The following PLCB1 variants were observed in gnomAD, a reference collection of about 807,000 sequenced individuals.
PLCB1 encodes phospholipase C beta 1.
PLCB1 carries 46 observed loss-of-function variants against 161.8 expected under a neutral mutation model. That is an observed-to-expected ratio of 0.28 (90% CI 0.22 to 0.36). The LOEUF (loss-of-function observed/expected upper bound fraction) is 0.36, where lower values mean the gene tolerates loss of function less well. Among genes scored for constraint, PLCB1 ranks in the 10% least tolerant of loss-of-function variants. The probability of loss-of-function intolerance (pLI) is 1.00; values close to 1 mark genes in which losing one functional copy is unlikely to be tolerated. For synonymous variants in PLCB1, 517 were observed against 503.7 expected (o/e 1.03, Z -0.35); for missense variants, 1,016 against 1,472.5 (o/e 0.69, Z 5.07).
At chr20:8,656,118 T>C (rs561088755) in intron 7 of PLCB1, among the ~76,000 whole-genome samples, 1 of 152,220 alleles carries the variant, frequency 6.6e-6, no homozygotes, top group South Asian at 2.1e-4. Context: ...GTTATAATGA[T>C]ACAACACATC....
intron 3 of PLCB1, among the ~76,000 whole-genome samples, chr20:8,382,769 G>A (rs1453386168): frequency 2.6e-5 from 4 of 152,010 alleles, no homozygotes; most frequent in Admixed American, 2.0e-4. Context: ...GGATGGTCTC[G>A]ATCTCCTGAC....
At chr20:8,173,407 A>G (rs564012741) in intron 2 of PLCB1, among the ~76,000 whole-genome samples, 3 of 152,186 alleles carry the variant, frequency 2.0e-5, no homozygotes, top group Non-Finnish European at 2.9e-5. Context: ...CTCTCATATC[A>G]TCTAAACCAA....
intron 3 of PLCB1, among the ~76,000 whole-genome samples, chr20:8,403,619 GTGTAGTGACACGTACC>G (rs1978659176): frequency 6.6e-6 from 1 of 152,044 alleles, no homozygotes; most frequent in Admixed American, 6.5e-5. Context: ...TGTGAGCAGG[GTGTAGTGACACGTACC>G]TGTAGTCCCA....
chr20:8,154,374 G>A (rs2051538983), intron 2 of PLCB1, among the ~76,000 whole-genome samples: 1 of 152,038 alleles, frequency 6.6e-6, no homozygotes, highest in Non-Finnish European at 1.5e-5. Flanking sequence ...GTGGATTCTT[G>A]GTGTTTGTCT....
chr20:8,420,743 C>T (rs2122544516), intron 3 of PLCB1, among the ~76,000 whole-genome samples: 1 of 152,328 alleles, frequency 6.6e-6, no homozygotes, highest in East Asian at 1.9e-4. Context: ...TTGAAAGCTT[C>T]AGCCCTGCAC....
At chr20:8,333,211 T>C (rs1985436675) in intron 2 of PLCB1, among the ~76,000 whole-genome samples, 1 of 152,170 alleles carries the variant, frequency 6.6e-6, no homozygotes, top group South Asian at 2.1e-4. Flanking sequence ...CCTGAGTTCC[T>C]CAATAATCAC....
At chr20:8,215,685 G>A (rs191565885) in intron 2 of PLCB1, among the ~76,000 whole-genome samples, 3 of 151,988 alleles carry the variant, frequency 2.0e-5, no homozygotes, top group East Asian at 1.9e-4. Context: ...CAGGTGCTCC[G>A]TGACCATCAG....
At position 8,788,436 on chromosome 20, in the gene PLCB1, TTTC is replaced by T. The variant is rs1163689360; in HGVS notation, c.3112-10_3112-8del. On this transcript the variant is annotated splice_polypyrimidine_tract_variant and intron_variant, in intron 27 of 31. Coordinates refer to ENST00000338037, the MANE Select transcript of PLCB1 (RefSeq NM_015192.4). ...ATCATTTGAAATAGCAAACTGACAT[TTTC>T]TTTTTCCAGCTTATTCAAAAGTTGA... 10 of 1,611,400 alleles carry T rather than the reference TTTC, an allele frequency of 6.2e-6. No individual in the cohort carries two copies.
At chr20:8,544,730 A>AT (rs1985468677) in intron 3 of PLCB1, among the ~76,000 whole-genome samples, 1 of 152,164 alleles carries the variant, frequency 6.6e-6, no homozygotes, top group Non-Finnish European at 1.5e-5. Flanking sequence ...AGTTTTCCTG[A>AT]TGTGCATGTG....
chr20:8,185,816 T>G (rs2051897712), intron 2 of PLCB1, among the ~76,000 whole-genome samples: 1 of 152,192 alleles, frequency 6.6e-6, no homozygotes, highest in South Asian at 2.1e-4. Context: ...TCATGACTTC[T>G]TTAATTTGAT....
intron 11 of PLCB1, among the ~76,000 whole-genome samples, chr20:8,703,067 G>A (rs897373296): frequency 5.3e-5 from 8 of 152,180 alleles, no homozygotes; most frequent in African/African-American, 1.7e-4. Context: ...CAGAAGGTAA[G>A]GATGCTACTC....
chr20:8,756,214 A>G (rs1433145781), intron 23 of PLCB1, among the ~76,000 whole-genome samples: 2 of 152,206 alleles, frequency 1.3e-5, no homozygotes, highest in Non-Finnish European at 2.9e-5. Context: ...CTTTATAAGT[A>G]TTAACTTATT....
At chr20:8,546,660 A>G (rs1985562078) in intron 3 of PLCB1, among the ~76,000 whole-genome samples, 1 of 152,154 alleles carries the variant, frequency 6.6e-6, no homozygotes, top group Admixed American at 6.5e-5. Flanking sequence ...CACAGAGCTG[A>G]TAAACCTCAG....
intron 31 of PLCB1, among the ~76,000 whole-genome samples, chr20:8,808,694 T>TA (rs1187244335): frequency 1.3e-5 from 2 of 152,316 alleles, no homozygotes; most frequent in African/African-American, 2.4e-5. Flanking sequence ...GTAACAGGTA[T>TA]AAAAAATACC....
intron 2 of PLCB1, among the ~76,000 whole-genome samples, chr20:8,231,037 A>G (rs145549311): frequency 1.3e-5 from 2 of 152,022 alleles, no homozygotes; most frequent in Non-Finnish European, 2.9e-5. Context: ...ACCTCTCCAT[A>G]ATCTTCAACT....
At chr20:8,322,893 G>GCTGTAC (rs1229018446) in intron 2 of PLCB1, among the ~76,000 whole-genome samples, 1 of 152,118 alleles carries the variant, frequency 6.6e-6, no homozygotes, top group Admixed American at 6.6e-5. Context: ...ATTGTTTGAG[G>GCTGTAC]CTGTACCGCA....
intron 2 of PLCB1, among the ~76,000 whole-genome samples, chr20:8,233,369 T>C (rs545291527): frequency 2.0e-5 from 3 of 152,226 alleles, no homozygotes; most frequent in East Asian, 3.9e-4. Flanking sequence ...GAATGAATCC[T>C]TTTTAGTAAC....
chr20:8,853,137 T>C (rs1200940402), intron 31 of PLCB1, among the ~76,000 whole-genome samples: 1 of 152,198 alleles, frequency 6.6e-6, no homozygotes, highest in Non-Finnish European at 1.5e-5. Flanking sequence ...AAAGTATTTA[T>C]CAAAGGAACT....
rs188126608 is a variant in PLCB1 at position 8,135,891 on chromosome 20, A to G, written c.99+3141A>G. The stretch of plus-strand genomic sequence containing the variant: ...CTGGTGAGGTAGACAGTGGAAGGAG[A>G]GTTACTTTCTTGATCTAAGCTAGGG... On this transcript the variant is annotated intron_variant, in intron 1 of 31. Transcript: ENST00000338037. Among the ~76,000 whole-genome samples the G allele has an allele frequency of 1.8e-3, 274 of 152,024 alleles. 2 individuals carry two copies. The highest frequency in any genetic ancestry group is 6.1e-3 in the African/African-American group (252 of 41,452).
Sources: allele counts gnomAD v4.1 joint callset (sites outside exome capture counted in the v4.1 genomes callset), GRCh38; gene constraint gnomAD v4.1.1; transcripts MANE v1.5; gene names NCBI Gene and HGNC (gene_info 2026-07-23, HGNC 2026-07-21).